TMEM87B: variants seen among roughly 807,000 people sequenced by gnomAD.
The protein encoded by TMEM87B is transmembrane protein 87B.
Under a neutral mutation model 80.3 loss-of-function variants are expected in TMEM87B, and 83 were observed. The ratio of observed to expected loss-of-function variants is 1.03; its 90% confidence interval spans 0.87 to 1.24. TMEM87B has a LOEUF of 1.24. TMEM87B is among the 50% of genes most tolerant of loss of function. The pLI is 0.00. For missense variants in TMEM87B, 625 were observed against 674.4 expected (o/e 0.93, Z 0.81); for synonymous variants, 219 against 230.5 (o/e 0.95, Z 0.45).
chr2:112,091,264 T>G lies in TMEM87B; in HGVS notation c.1033-448T>G, dbSNP rs528758746. On this transcript the variant is annotated intron_variant, in intron 10 of 18. Transcript: ENST00000283206. ...TCAAAAAAAAAAAAAAAATTTTACA[T>G]AGCCAACATCTTAGATAGTGACTTT... Among the ~76,000 whole-genome samples the G allele has an allele frequency of 1.7e-4, 26 of 152,012 alleles. No homozygotes were observed. The East Asian group carries it at 4.6e-3, about 27-fold the overall frequency.
intron 1 of TMEM87B, among the ~76,000 whole-genome samples, chr2:112,058,563 G>A (rs546833564): frequency 6.6e-6 from 1 of 152,128 alleles, no homozygotes; most frequent in Non-Finnish European, 1.5e-5. Flanking sequence ...TTTTAAAAAG[G>A]CCTCTTGTGG....
At chr2:112,067,960 C>A (rs892321902) in intron 4 of TMEM87B, among the ~76,000 whole-genome samples, 1 of 152,202 alleles carries the variant, frequency 6.6e-6, no homozygotes, top group Non-Finnish European at 1.5e-5. Context: ...AGCCTGTAAT[C>A]CCAGCACTTT....
intron 2 of TMEM87B, among the ~76,000 whole-genome samples, chr2:112,060,427 G>A (rs1162353952): frequency 6.6e-6 from 1 of 152,008 alleles, no homozygotes; most frequent in Admixed American, 6.6e-5. Context: ...TCATGTAAAT[G>A]AATATAACAT....
chr2:112,070,068 A>T (rs891680376), intron 4 of TMEM87B, among the ~76,000 whole-genome samples: 2 of 152,062 alleles, frequency 1.3e-5, no homozygotes, highest in Admixed American at 1.3e-4. Flanking sequence ...GACACTGGAC[A>T]TTAGACCTTT....
In TMEM87B at chr2:112,097,147, T is replaced by C; in HGVS notation, c.1208T>C (p.Val403Ala). 6.3e-7 allele frequency: 1 copy of C among 1,599,676 alleles called. No homozygotes were observed. Among genetic ancestry groups the C allele is most frequent in the Non-Finnish European group, 8.5e-7 (1 of 1,175,010 alleles). The change falls in exon 12 of 19, where the codon GTG (valine) becomes GCG (alanine). Residue 403 changes from valine to alanine, a missense_variant. By Grantham distance (64) the Val-to-Ala change is moderately conservative. Coordinates refer to ENST00000283206, the MANE Select transcript of TMEM87B (RefSeq NM_032824.3). ...TTTAAAAATACTCTGATCTTTGCTG[T>C]GCTGGGTAAGCTATTTAATTTTTCT... ...RHFKNTLIFAVLASIVFMGWT... is the reference protein window; with the variant it reads ...RHFKNTLIFAALASIVFMGWT...
chr2:112,055,611 C>A lies in TMEM87B; in HGVS notation c.20C>A (p.Ser7Ter). Residue 7 changes from serine (S) to a stop codon, truncating the protein, a stop_gained, in exon 1 of 19, where the codon TCG becomes TAG. Coordinates refer to ENST00000283206, the MANE Select transcript of TMEM87B (RefSeq NM_032824.3). LOFTEE classifies it high-confidence loss of function. MVAACR[S>*]VAGLLPRRRR... ...GTCAAGATGGTCGCCGCCTGCCGCT[C>A]GGTAGCCGGGCTCCTGCCACGCCGC... 1 of 1,533,132 alleles carries A rather than the reference C, an allele frequency of 6.5e-7. No homozygotes were observed. The highest frequency in any genetic ancestry group is 2.0e-5 in the Admixed American group (1 of 49,908). 95.0% of individuals were successfully genotyped at this position (1,533,132 alleles called of 1,614,324 possible).
rs769362144 is a variant in TMEM87B, at chr2:112,067,083, G to T, written c.450+16G>T. On this transcript the variant is annotated intron_variant, in intron 4 of 18. Coordinates refer to ENST00000283206, the MANE Select transcript of TMEM87B (RefSeq NM_032824.3). ...CTCTTTGAATGTGAGTATCTGACTT[G>T]CCATGTTAAAGTTTATTTTATTCCC... 5.0e-6 allele frequency: 8 copies of T among 1,604,862 alleles called. No individual in the cohort carries two copies. The African/African-American group carries it at 1.1e-4, about 22-fold the overall frequency.
Position 112,079,474 on chromosome 2 carries a change from A to C in TMEM87B, c.593-1583A>C, listed in dbSNP as rs79285248. Among the ~76,000 whole-genome samples, 5 of 152,364 alleles carry C rather than the reference A, an allele frequency of 3.3e-5. No homozygotes were observed. In the South Asian group the frequency reaches 1.0e-3, roughly 32 times the overall value. The stretch of plus-strand genomic sequence containing the variant: ...CTTTTTAAAGGCTGAATAGTATTTC[A>C]TTGTGTATATATACACATTTTCTTC... On this transcript the variant is annotated intron_variant, in intron 6 of 18. Transcript: ENST00000283206.
chr2:112,064,760 A>T (rs1471313286), intron 3 of TMEM87B, among the ~76,000 whole-genome samples: 1 of 152,160 alleles, frequency 6.6e-6, no homozygotes, highest in African/African-American at 2.4e-5. Flanking sequence ...TCCTCCTGGG[A>T]TGTGCACTGG....
chr2:112,103,429 C>G (rs376311192), intron 15 of TMEM87B, among the ~76,000 whole-genome samples: 2 of 151,918 alleles, frequency 1.3e-5, no homozygotes, highest in South Asian at 4.1e-4. Context: ...AAAAAAAATA[C>G]AGTGGTTAAG....
chr2:112,058,203 A>G (rs1193326703), intron 1 of TMEM87B, among the ~76,000 whole-genome samples: 1 of 152,176 alleles, frequency 6.6e-6, no homozygotes, highest in East Asian at 1.9e-4. Context: ...GCAGGAAATT[A>G]TTGGTGTTCC....
rs112979922 is a variant in TMEM87B at position 112,056,226 on chromosome 2, TAA to T, written c.165+481_165+482del. Among the ~76,000 whole-genome samples the T allele has an allele frequency of 2.6e-3, 376 of 143,914 alleles. 2 individuals are homozygous for T. Among genetic ancestry groups the T allele is most frequent in the African/African-American group, 8.4e-3 (331 of 39,226 alleles). The allele number at this position is 143,914 out of a possible 152,430, so 94.4% of individuals were successfully genotyped here. Reference sequence around the variant, plus strand: ...TTAGAAAGCGGGTCTGCCGCTTCCTTAAAAAAAAAAAAGAAAGAAAAAATTTA... The same window carrying T: ...TTAGAAAGCGGGTCTGCCGCTTCCTTAAAAAAAAAAGAAAGAAAAAATTTA... On this transcript the variant is annotated intron_variant, in intron 1 of 18. Transcript: ENST00000283206.
At chr2:112,056,186 A>C (rs1370311889) in intron 1 of TMEM87B, among the ~76,000 whole-genome samples, 1 of 152,008 alleles carries the variant, frequency 6.6e-6, no homozygotes, top group African/African-American at 2.4e-5. Flanking sequence ...CCAGCGCTTC[A>C]GTTTCTGCAT....
intron 6 of TMEM87B, among the ~76,000 whole-genome samples, chr2:112,078,186 CCTAT>C (rs1165179218): frequency 3.9e-5 from 6 of 152,136 alleles, no homozygotes; most frequent in African/African-American, 1.4e-4. Context: ...CATTCTGTCA[CCTAT>C]CTTAGTCTGT....
Position 112,091,591 on chromosome 2 carries a change from C to A in TMEM87B, c.1033-121C>A, listed in dbSNP as rs1002481320. The A allele has an allele frequency of 3.4e-5, 24 of 706,290 alleles. No homozygotes were observed. The African/African-American group carries it at 3.6e-4, about 11-fold the overall frequency. 43.8% of individuals were successfully genotyped at this position (706,290 alleles called of 1,614,324 possible). A position where few individuals can be genotyped will look rare whatever the true frequency, so the allele number is the denominator to read the frequency against. On this transcript the variant is annotated intron_variant, in intron 10 of 18. Coordinates refer to ENST00000283206, the MANE Select transcript of TMEM87B (RefSeq NM_032824.3). ...ACACAATCCTCTTAGGAAATTAAAT[C>A]TTTTATGTGGCTTTGTAAAGTAATG...
In TMEM87B at chr2:112,116,882, G is replaced by A. The variant is rs1382387136; in HGVS notation, c.*739G>A. On this transcript the variant is annotated 3_prime_UTR_variant, in exon 19 of 19. Coordinates refer to ENST00000283206, the MANE Select transcript of TMEM87B (RefSeq NM_032824.3). ...CACTCAGGCCATGTGTACATGCGAT[G>A]CTGCTGAGTGTGCTGGGGTGGGTGG... The A allele has an allele frequency of 6.6e-6, 1 of 152,616 alleles. No individual in the cohort carries two copies. The highest frequency in any genetic ancestry group is 6.5e-5 in the Admixed American group (1 of 15,274). The allele number at this position is 152,616 out of a possible 1,614,324, so 9.5% of individuals were successfully genotyped here.
chr2:112,087,633 C>T (rs558779238), intron 9 of TMEM87B, among the ~76,000 whole-genome samples: 7 of 152,300 alleles, frequency 4.6e-5, no homozygotes, highest in African/African-American at 1.7e-4. Flanking sequence ...TTTCTTGCAT[C>T]GTCAGCTTTC....
At chr2:112,076,822 C>T (rs74182853) in intron 5 of TMEM87B, among the ~76,000 whole-genome samples, 3,740 of 149,882 alleles carry the variant, frequency 0.025, 79 homozygotes, top group Non-Finnish European at 0.04. Flanking sequence ...CTTTCCACTA[C>T]CTGCCATTCC....
chr2:112,064,129 T>A (rs1678342061), intron 2 of TMEM87B, 33 bp from the exon 3 acceptor site: 1 of 1,571,678 alleles, frequency 6.4e-7, no homozygotes, highest in Non-Finnish European at 8.7e-7. Context: ...TATGTATTAT[T>A]CATGTAAAAC....
Sources: gnomAD v4.1 joint callset for allele counts (sites outside exome capture counted in the v4.1 genomes callset) on GRCh38, gnomAD v4.1.1 for gene constraint, MANE v1.5 for transcripts, NCBI Gene and HGNC (gene_info 2026-07-23, HGNC 2026-07-21) for gene names.